PASK: variants seen among roughly 807,000 people sequenced by gnomAD.
PASK encodes the protein PAS domain-containing serine/threonine-protein kinase.
In PASK, 110 loss-of-function variants were observed where a neutral mutation model predicts 121.0. The observed-to-expected ratio is 0.91, with a 90% CI of 0.78 to 1.06. The LOEUF is 1.06. PASK is among the 50% of genes least tolerant of loss of function. The pLI is 0.00. For synonymous variants in PASK, 686 were observed against 717.8 expected (o/e 0.96, Z 0.71); for missense variants, 1,643 against 1,702.3 (o/e 0.97, Z 0.61).
intron 1 of PASK, among the ~76,000 whole-genome samples, chr2:241,146,293 G>C (rs1015991193): frequency 3.9e-5 from 6 of 152,132 alleles, no homozygotes; most frequent in Non-Finnish European, 4.4e-5. Context: ...AATCTCTTTA[G>C]AAAACAATTC....
chr2:241,108,248 G>A lies in PASK; in HGVS notation c.3586C>T (p.Leu1196=), dbSNP rs778292691. ...MWSLGVTLYT[L]VFEENPFCEL... Reference sequence around the variant, plus strand: ...CAGAAGGGGTTCTCCTCAAAGACCAGCGTGTACAGAGTGACTCCCAGAGAC... The same window carrying A: ...CAGAAGGGGTTCTCCTCAAAGACCAACGTGTACAGAGTGACTCCCAGAGAC... The change falls in exon 16 of 18, where the codon CTG becomes TTG. Residue 1196 remains leucine, a synonymous_variant. Transcript: ENST00000234040. The surrounding 1 kb of genome is among the most constrained non-coding windows in gnomAD (Gnocchi z 5.2). 3.1e-6 allele frequency: 5 copies of A among 1,613,894 alleles called. No individual in the cohort carries two copies. The Admixed American group carries it at 8.3e-5, about 27-fold the overall frequency.
rs2066769930 is a variant in PASK at position 241,142,842 on chromosome 2, A to C, written c.191T>G (p.Leu64Arg). 1 of 1,611,462 alleles carries C rather than the reference A, an allele frequency of 6.2e-7. No individual in the cohort carries two copies. Among genetic ancestry groups the C allele is most frequent in the East Asian group, 2.2e-5 (1 of 44,850 alleles). The change falls in exon 2 of 18, where the codon CTC (leucine) becomes CGC (arginine). Residue 64 changes from leucine to arginine, a missense_variant. Physicochemically the swap from Leu to Arg is moderately radical, Grantham distance 102. Coordinates refer to ENST00000234040, the MANE Select transcript of PASK (RefSeq NM_015148.4). ...CAGTGGTCGAAGGTCATTACCAGAGAGCGCTGTCCTGCTCTGGCAGAGTCT... is the reference window on the plus strand; with the variant it reads ...CAGTGGTCGAAGGTCATTACCAGAGCGCGCTGTCCTGCTCTGGCAGAGTCT... ...LSRLCQSRTALSEDRWSSYCL... is the reference protein window; with the variant it reads ...LSRLCQSRTARSEDRWSSYCL...
chr2:241,129,003 C>G (rs2066002214), intron 9 of PASK, among the ~76,000 whole-genome samples: 1 of 117,878 alleles, frequency 8.5e-6, no homozygotes, highest in South Asian at 2.8e-4. Context: ...GCCTGCCTCT[C>G]TCCCTCCATG....
At chr2:241,136,944 C>A (rs2066461946) in intron 7 of PASK, 60 bp downstream of exon 7, 1 of 1,541,674 alleles carries the variant, frequency 6.5e-7, no homozygotes, top group East Asian at 2.2e-5. Context: ...CAAGCCCGCA[C>A]TGCAGAGCAC....
chr2:241,135,139 A>G (rs904896102), intron 8 of PASK, among the ~76,000 whole-genome samples: 2 of 152,234 alleles, frequency 1.3e-5, no homozygotes, highest in African/African-American at 2.4e-5. Flanking sequence ...CTGTCTTCAC[A>G]AGCCACACAC....
intron 10 of PASK, among the ~76,000 whole-genome samples, chr2:241,125,518 T>C (rs2065811695): frequency 1.4e-5 from 2 of 145,262 alleles, no homozygotes; most frequent in African/African-American, 2.6e-5. Context: ...GAGAATGGCA[T>C]GAACCCGGGA....
At position 241,137,044 on chromosome 2, in the gene PASK, A is replaced by G. The variant is rs1423472173; in HGVS notation, c.1097T>C (p.Leu366Pro). 6.2e-7 allele frequency: 1 copy of G among 1,613,528 alleles called. No individual in the cohort carries two copies. The highest frequency in any genetic ancestry group is 8.5e-7 in the Non-Finnish European group (1 of 1,179,974). The change falls in exon 7 of 18, where the codon CTG (leucine) becomes CCG (proline). Residue 366 changes from leucine (L) to proline (P), a missense_variant. Physicochemically the swap from Leu to Pro is moderately conservative, Grantham distance 98 (BLOSUM62 -3). This residue lies in a region of PASK where 1,176 missense variants were observed against 1,162.2 expected (regional missense o/e 1.01). Coordinates refer to ENST00000234040, the MANE Select transcript of PASK (RefSeq NM_015148.4). ...TIHGINHSFA[L>P]TLFGYGKTEL... The stretch of plus-strand genomic sequence containing the variant: ...CGTCTTTCCGTAACCAAACAGTGTC[A>G]GCGCGAAGCTGTGGTTGATGCCGTG...
rs764152107 is a variant in PASK at position 241,108,191 on chromosome 2, G to A, written c.3643C>T (p.His1215Tyr). The A allele has an allele frequency of 2.5e-6, 4 of 1,613,926 alleles. No individual in the cohort carries two copies. The highest frequency in any genetic ancestry group is 2.2e-5 in the East Asian group (1 of 44,868). Residue 1215 changes from histidine (H) to tyrosine (Y), a missense_variant, in exon 16 of 18, where the codon CAC (histidine) becomes TAC (tyrosine). Coordinates refer to ENST00000234040, the MANE Select transcript of PASK (RefSeq NM_015148.4). The surrounding 1 kb of genome is among the most constrained non-coding windows in gnomAD (Gnocchi z 5.2). ...CCTTTGGACACCAGGTATGGCGGGT[G>A]TATGGCAGCCTCCACGGTCTCCTCC... ...ELEETVEAAI[H>Y]PPYLVSKELM...
intron 12 of PASK, 25 bp from the exon 13 acceptor site, chr2:241,115,438 G>A (rs1332736345): frequency 1.2e-6 from 2 of 1,613,456 alleles, no homozygotes; most frequent in Non-Finnish European, 1.7e-6. Flanking sequence ...GAGCGTAGTG[G>A]AAATAGCTGG....
In PASK at chr2:241,126,541, G is replaced by A. The variant is rs1040066703; in HGVS notation, c.2374C>T (p.Leu792=). The part of the protein sequence containing the change: ...GSLQEQGSCV[L]DDRELLLLTG... ...AGTAGTAACAGCTCCCTGTCATCCA[G>A]GACACACGACCCCTGTTCCTGGAGA... is the stretch of plus-strand genomic sequence containing the variant. Residue 792 remains leucine, a synonymous_variant, in exon 10 of 18, where the codon CTG becomes TTG. Coordinates refer to ENST00000234040, the MANE Select transcript of PASK (RefSeq NM_015148.4). 7 of 1,614,108 alleles carry A rather than the reference G, an allele frequency of 4.3e-6. No individual in the cohort carries two copies. In the African/African-American group the frequency reaches 6.7e-5, roughly 15 times the overall value.
chr2:241,118,893 C>A, intron 12 of PASK: 1 of 1,021,212 alleles, frequency 9.8e-7, no homozygotes. Flanking sequence ...GGACCCGCAG[C>A]AGCTGGCTGC....
At chr2:241,116,183 A>G (rs7569913) in intron 12 of PASK, among the ~76,000 whole-genome samples, 15,453 of 105,094 alleles carry the variant, frequency 0.15, 2,242 homozygotes, top group African/African-American at 0.42. Context: ...CCAGTCCTCA[A>G]GCATCCCATT....
intron 15 of PASK, among the ~76,000 whole-genome samples, chr2:241,110,204 A>T (rs998545142): frequency 1.3e-5 from 2 of 152,244 alleles, no homozygotes; most frequent in Non-Finnish European, 2.9e-5. Context: ...CCAGTCACCA[A>T]AAGGCAAATG....
chr2:241,147,140 C>T (rs1369504398), intron 1 of PASK, among the ~76,000 whole-genome samples: 2 of 152,134 alleles, frequency 1.3e-5, no homozygotes, highest in Non-Finnish European at 2.9e-5. Flanking sequence ...ATAACAATGA[C>T]ATGATTATAG....
chr2:241,118,765 G>A, intron 12 of PASK: 2 of 287,756 alleles, frequency 7.0e-6, no homozygotes. Flanking sequence ...GCTGGCAGGG[G>A]CCCACGGCGC....
intron 16 of PASK, 52 bp from the exon 17 acceptor site, chr2:241,107,551 C>T (rs1388328627): frequency 6.3e-7 from 1 of 1,575,144 alleles, no homozygotes; most frequent in Non-Finnish European, 8.7e-7. Context: ...TGAAGTGGAG[C>T]ACATCTCAGA....
chr2:241,116,483 C>T (rs1038421532), intron 12 of PASK, among the ~76,000 whole-genome samples: 1 of 152,102 alleles, frequency 6.6e-6, no homozygotes, highest in Non-Finnish European at 1.5e-5. Flanking sequence ...CACGTCACCC[C>T]GACTTCTCAA....
At chr2:241,141,825 C>T (rs563815966) in intron 2 of PASK, among the ~76,000 whole-genome samples, 1 of 152,126 alleles carries the variant, frequency 6.6e-6, no homozygotes, top group Non-Finnish European at 1.5e-5. Flanking sequence ...CTGACCCCGA[C>T]CATTCTCTGA....
Position 241,126,289 on chromosome 2 carries a change from C to T in PASK, c.2626G>A (p.Val876Met), listed in dbSNP as rs565698930. Residue 876 changes from valine (V) to methionine (M), a missense_variant, in exon 10 of 18, where the codon GTG becomes ATG. Physicochemically the swap from Val to Met is conservative, Grantham distance 21 (BLOSUM62 1). Around this residue, in one of 3 missense-constraint regions of PASK, gnomAD observed 1,176 missense variants for 1,162.2 expected, o/e 1.01. Coordinates refer to ENST00000234040, the MANE Select transcript of PASK (RefSeq NM_015148.4). ...CCAGCAGCCCCGCGCATCACGATCA[C>T]GGGCGTGGAGGTGACCTGGACGTTC... is the stretch of plus-strand genomic sequence containing the variant. ...RLNVQVTSTP[V>M]IVMRGAAGLQ... 55 of 1,614,198 alleles carry T rather than the reference C, an allele frequency of 3.4e-5. No individual in the cohort carries two copies. Among genetic ancestry groups the T allele is most frequent in the East Asian group, 2.0e-4 (9 of 44,880 alleles).
Sources: allele counts gnomAD v4.1 joint callset (sites outside exome capture counted in the v4.1 genomes callset), GRCh38; gene constraint gnomAD v4.1.1; regional missense constraint gnomAD v4.1.1; non-coding constraint Gnocchi (gnomAD v3.1); transcripts MANE v1.5; gene names NCBI Gene and HGNC (gene_info 2026-07-23, HGNC 2026-07-21).